CA10: variants seen among roughly 807,000 people sequenced by gnomAD.
CA10 encodes the protein carbonic anhydrase-related protein 10.
A neutral mutation model predicts 44.2 loss-of-function variants in CA10; 14 were observed. The observed-to-expected ratio is 0.32, with a 90% confidence interval of 0.21 to 0.50. The LOEUF is 0.50. Ranked by LOEUF, CA10 falls within the 20% of genes least tolerant of loss-of-function variation. The probability of loss-of-function intolerance (pLI) is 0.99; values close to 1 mark genes in which losing one functional copy is unlikely to be tolerated. For missense variants in CA10, 350 were observed against 409.7 expected (o/e 0.85, Z 1.26); for synonymous variants, 159 against 141.6 (o/e 1.12, Z -0.87).
chr17:51,957,762 G>C (rs1983721015), intron 2 of CA10, among the ~76,000 whole-genome samples: 1 of 152,116 alleles, frequency 6.6e-6, no homozygotes. Flanking sequence ...TGCTCTCCTA[G>C]AGTGCCATGC....
chr17:51,948,583 G>A (rs1291321989), intron 2 of CA10, among the ~76,000 whole-genome samples: 1 of 152,162 alleles, frequency 6.6e-6, no homozygotes, highest in Non-Finnish European at 1.5e-5. Flanking sequence ...CCGATGCTCA[G>A]CTTCTAAATT....
At chr17:52,131,871 G>T (rs1470783430) in intron 1 of CA10, among the ~76,000 whole-genome samples, 1 of 152,104 alleles carries the variant, frequency 6.6e-6, no homozygotes, top group Non-Finnish European at 1.5e-5. Flanking sequence ...GGATATGGAT[G>T]AAATTGGAAA....
At chr17:51,782,232 A>G (rs1443653245) in intron 3 of CA10, among the ~76,000 whole-genome samples, 3 of 152,226 alleles carry the variant, frequency 2.0e-5, no homozygotes, top group African/African-American at 7.2e-5. Flanking sequence ...ACCTTTGGGA[A>G]TCACCAATCT....
chr17:51,845,143 T>C (rs1252789650), intron 3 of CA10, among the ~76,000 whole-genome samples: 1 of 152,220 alleles, frequency 6.6e-6, no homozygotes. Flanking sequence ...TCTGCTGACA[T>C]CTTGATTTTG....
At chr17:52,138,789 T>A (rs1298917355) in intron 1 of CA10, among the ~76,000 whole-genome samples, 3 of 152,180 alleles carry the variant, frequency 2.0e-5, no homozygotes, top group Non-Finnish European at 4.4e-5. Flanking sequence ...CAATTACTAT[T>A]TTTTGGCCTA....
intron 2 of CA10, among the ~76,000 whole-genome samples, chr17:51,947,032 A>G (rs1208091003): frequency 3.3e-5 from 5 of 152,132 alleles, no homozygotes; most frequent in African/African-American, 9.7e-5. Flanking sequence ...ATTGATAAGC[A>G]GAGAGAAAAA....
intron 1 of CA10, among the ~76,000 whole-genome samples, chr17:52,075,015 T>C (rs1396177797): frequency 2.0e-5 from 3 of 152,178 alleles, no homozygotes; most frequent in Non-Finnish European, 2.9e-5. Flanking sequence ...CTCACTACAA[T>C]GGCAGAGTGG....
At chr17:51,936,371 A>G (rs1982865128) in intron 2 of CA10, among the ~76,000 whole-genome samples, 1 of 152,142 alleles carries the variant, frequency 6.6e-6, no homozygotes, top group African/African-American at 2.4e-5. Context: ...ATCATAGCTT[A>G]AAGCATGTAT....
Position 51,729,345 on chromosome 17 carries a change from G to A in CA10, c.465+18288C>T, listed in dbSNP as rs939295945. 1.2e-3 allele frequency among the ~76,000 whole-genome samples: 188 copies of A among 151,860 alleles called. 5 individuals are homozygous for A. In the East Asian group the frequency reaches 0.036, roughly 29 times the overall value. On this transcript the variant is annotated intron_variant, in intron 4 of 8. Coordinates refer to ENST00000451037, the MANE Select transcript of CA10 (RefSeq NM_020178.5). Reference sequence around the variant, plus strand: ...TTCAGATGCTTAAACTTTTTTGTGTGTGTGTGTGTATCACCACACACACAT... The same window carrying A: ...TTCAGATGCTTAAACTTTTTTGTGTATGTGTGTGTATCACCACACACACAT...
At chr17:51,923,496 G>C (rs927098552) in intron 3 of CA10, among the ~76,000 whole-genome samples, 1 of 152,044 alleles carries the variant, frequency 6.6e-6, no homozygotes, top group African/African-American at 2.4e-5. Flanking sequence ...ATTTAAATCA[G>C]TTACTGCCAT....
At chr17:51,892,659 C>T (rs140268580) in intron 3 of CA10, among the ~76,000 whole-genome samples, 95 of 152,272 alleles carry the variant, frequency 6.2e-4, no homozygotes, top group African/African-American at 2.1e-3. Flanking sequence ...TAGCCAATTC[C>T]GGCTAAGGCA....
At chr17:51,912,521 TTC>T (rs1567882440) in intron 3 of CA10, among the ~76,000 whole-genome samples, 1 of 152,198 alleles carries the variant, frequency 6.6e-6, no homozygotes, top group Non-Finnish European at 1.5e-5. Flanking sequence ...TGCCTGCCAT[TTC>T]TCTTCTTCAT....
chr17:51,766,294 G>A (rs1905378201), intron 3 of CA10, among the ~76,000 whole-genome samples: 1 of 152,174 alleles, frequency 6.6e-6, no homozygotes, highest in Non-Finnish European at 1.5e-5. Flanking sequence ...AGAAGTGGAT[G>A]AAAATGAATT....
At chr17:51,740,636 C>T (rs905283448) in intron 4 of CA10, among the ~76,000 whole-genome samples, 48 of 152,320 alleles carry the variant, frequency 3.2e-4, no homozygotes, top group African/African-American at 1.1e-3. Context: ...AGAGGACCCA[C>T]GTGGTCTGCA....
intron 3 of CA10, among the ~76,000 whole-genome samples, chr17:51,881,235 G>GTTT (rs1275087078): frequency 0.03 from 2,746 of 90,736 alleles, 76 homozygotes; most frequent in African/African-American, 0.11. Context: ...GCGAGACTCC[G>GTTT]TCTCAAGAAA....
At chr17:51,733,566 A>C (rs1916793851) in intron 4 of CA10, among the ~76,000 whole-genome samples, 1 of 152,232 alleles carries the variant, frequency 6.6e-6, no homozygotes, top group Non-Finnish European at 1.5e-5. Flanking sequence ...AAATCAAGCT[A>C]AATGAATACT....
At chr17:51,753,994 C>A (rs1904986101) in intron 3 of CA10, among the ~76,000 whole-genome samples, 2 of 152,090 alleles carry the variant, frequency 1.3e-5, no homozygotes, top group South Asian at 2.1e-4. Context: ...CAGGTACCTG[C>A]CATCACGCCC....
At chr17:51,945,570 C>A (rs1002264747) in intron 2 of CA10, among the ~76,000 whole-genome samples, 4 of 152,112 alleles carry the variant, frequency 2.6e-5, no homozygotes, top group Non-Finnish European at 5.9e-5. Context: ...TTTGCTCCTA[C>A]TTTTCCCACA....
chr17:51,807,841 C>T (rs1275227367), intron 3 of CA10, among the ~76,000 whole-genome samples: 2 of 152,182 alleles, frequency 1.3e-5, no homozygotes, highest in Non-Finnish European at 2.9e-5. Flanking sequence ...TTAATAGTGC[C>T]AGCGGCTATG....
Sources: gnomAD v4.1 joint callset for allele counts (sites outside exome capture counted in the v4.1 genomes callset) on GRCh38, gnomAD v4.1.1 for gene constraint, MANE v1.5 for transcripts, NCBI Gene and HGNC (gene_info 2026-07-23, HGNC 2026-07-21) for gene names.